The following CEP128 variants were observed in gnomAD, a reference collection of about 807,000 sequenced individuals.
The protein encoded by CEP128 is centrosomal protein 128, also known as centrosomal protein 128kDa.
CEP128 carries 132 observed loss-of-function variants against 156.7 expected under a neutral mutation model. That is an observed-to-expected ratio of 0.84 (90% CI 0.73 to 0.97). CEP128 has a LOEUF of 0.97. Among genes scored for constraint, CEP128 ranks in the 50% least tolerant of loss-of-function variants. The probability of loss-of-function intolerance (pLI) is 0.00; values close to 1 mark genes in which losing one functional copy is unlikely to be tolerated. For missense variants in CEP128, 1,252 were observed against 1,281.9 expected (o/e 0.98, Z 0.36); for synonymous variants, 469 against 448.9 (o/e 1.04, Z -0.57).
chr14:80,622,216 T>C (rs1238839669), intron 19 of CEP128, among the ~76,000 whole-genome samples: 1 of 152,182 alleles, frequency 6.6e-6, no homozygotes, highest in East Asian at 1.9e-4. Flanking sequence ...CTAAGTTTTT[T>C]ACTTTTTGAC....
At chr14:80,934,361 T>C (rs1885660280) in intron 2 of CEP128, among the ~76,000 whole-genome samples, 1 of 152,180 alleles carries the variant, frequency 6.6e-6, no homozygotes, top group Non-Finnish European at 1.5e-5. Context: ...CAACAGGAAA[T>C]GTTTTTTAAA....
At chr14:80,918,711 C>T (rs1408214440) in intron 2 of CEP128, among the ~76,000 whole-genome samples, 1 of 152,124 alleles carries the variant, frequency 6.6e-6, no homozygotes, top group African/African-American at 2.4e-5. Context: ...CCAGAGCCTA[C>T]ATGTGTGTAT....
intron 19 of CEP128, among the ~76,000 whole-genome samples, chr14:80,649,729 T>C (rs1595150062): frequency 6.6e-6 from 1 of 152,160 alleles, no homozygotes; most frequent in Non-Finnish European, 1.5e-5. Flanking sequence ...CTAGTCCTGA[T>C]GGAAAAGCAA....
intron 10 of CEP128, among the ~76,000 whole-genome samples, chr14:80,840,130 G>A (rs1163050694): frequency 1.3e-5 from 2 of 152,114 alleles, no homozygotes; most frequent in African/African-American, 4.8e-5. Context: ...ATTACTTTGA[G>A]CTCATCCTTA....
At chr14:80,626,316 T>C (rs1291900671) in intron 19 of CEP128, among the ~76,000 whole-genome samples, 2 of 144,922 alleles carry the variant, frequency 1.4e-5, no homozygotes, top group Non-Finnish European at 3.0e-5. Context: ...TACAAAAAAT[T>C]AGCCGGGCGC....
chr14:80,703,020 AT>A (rs879832343), intron 19 of CEP128, among the ~76,000 whole-genome samples: 16 of 152,154 alleles, frequency 1.1e-4, no homozygotes, highest in Non-Finnish European at 2.2e-4. Context: ...TTTATGGTAA[AT>A]TTGGAGAGAA....
intron 13 of CEP128, among the ~76,000 whole-genome samples, chr14:80,826,814 CAAG>C (rs1885507470): frequency 6.6e-6 from 1 of 151,222 alleles, no homozygotes; most frequent in African/African-American, 2.4e-5. Context: ...AATTTTTTTT[CAAG>C]AAGAGTAAGT....
At chr14:80,519,000 C>T (rs1285816932) in intron 23 of CEP128, among the ~76,000 whole-genome samples, 1 of 152,074 alleles carries the variant, frequency 6.6e-6, no homozygotes, top group Non-Finnish European at 1.5e-5. Context: ...TATAAGGTGA[C>T]CATAAAATGA....
rs971619741 is a variant in CEP128, at chr14:80,508,382, A to C, written c.3073-3362T>G. 3.3e-5 allele frequency among the ~76,000 whole-genome samples: 5 copies of C among 152,084 alleles called. 1 individual carries two copies. In the South Asian group the frequency reaches 6.2e-4, roughly 19 times the overall value. On this transcript the variant is annotated intron_variant, in intron 23 of 24. Transcript: ENST00000555265. ...ACTTATTAGCATAATTTAAGGATAC[A>C]TTTTCCCAGGTCTTACTTATAAATA...
intron 15 of CEP128, among the ~76,000 whole-genome samples, chr14:80,780,733 A>G (rs898363678): frequency 9.2e-5 from 14 of 152,206 alleles, no homozygotes; most frequent in African/African-American, 3.4e-4. Flanking sequence ...CAGATCATTG[A>G]GCAAGTTAGG....
intron 8 of CEP128, among the ~76,000 whole-genome samples, chr14:80,871,111 A>G (rs1220205554): frequency 1.3e-5 from 2 of 151,380 alleles, no homozygotes; most frequent in African/African-American, 4.9e-5. Flanking sequence ...TAGCCAGTGG[A>G]AAAAAAAATC....
At chr14:80,738,248 C>A (rs118106440) in intron 19 of CEP128, among the ~76,000 whole-genome samples, 1 of 152,092 alleles carries the variant, frequency 6.6e-6, no homozygotes, top group South Asian at 2.1e-4. Flanking sequence ...ACCTACAGTT[C>A]GAGAGTCCCT....
intron 17 of CEP128, among the ~76,000 whole-genome samples, chr14:80,757,578 A>T (rs1398326898): frequency 6.6e-6 from 1 of 152,222 alleles, no homozygotes; most frequent in Non-Finnish European, 1.5e-5. Flanking sequence ...ACTGTATTCA[A>T]AGTTGGCAAT....
In CEP128 at chr14:80,646,049, G is replaced by C. The variant is rs1403796165; in HGVS notation, c.2807-65626C>G. Among the ~76,000 whole-genome samples the C allele has an allele frequency of 5.3e-5, 8 of 152,104 alleles. No homozygotes were observed. The East Asian group carries it at 1.5e-3, about 29-fold the overall frequency. On this transcript the variant is annotated intron_variant, in intron 19 of 24. Transcript: ENST00000555265. ...ATCAGTGGTTGCCAGGAGTTAGTGG[G>C]GAAGGAGGGATAAATAGGTAGAGCT... is the stretch of plus-strand genomic sequence containing the variant.
intron 21 of CEP128, among the ~76,000 whole-genome samples, chr14:80,535,147 T>C (rs1212356700): frequency 6.6e-6 from 1 of 152,118 alleles, no homozygotes; most frequent in African/African-American, 2.4e-5. Flanking sequence ...AACACATAAT[T>C]CAAATTTGAA....
intron 21 of CEP128, among the ~76,000 whole-genome samples, chr14:80,543,979 C>T (rs1054705816): frequency 2.6e-5 from 4 of 152,028 alleles, no homozygotes; most frequent in Admixed American, 6.6e-5. Flanking sequence ...TGCAATACTC[C>T]GAAAATTAGG....
chr14:80,792,854 G>A lies in CEP128; in HGVS notation c.1466C>T (p.Ser489Phe), dbSNP rs1901785137. Reference sequence around the variant, plus strand: ...ATGCTTAAGCTTCCACTGCCTAATGGATTCTTGAGCTTTCAGTTTCAGGTC... The same window carrying A: ...ATGCTTAAGCTTCCACTGCCTAATGAATTCTTGAGCTTTCAGTTTCAGGTC... ...REDLKLKAQE[S>F]IRQWKLKHKK... The change falls in exon 14 of 25, where the codon TCC becomes TTC. Residue 489 changes from serine to phenylalanine, a missense_variant. Transcript: ENST00000555265. 3 of 1,614,110 alleles carry A rather than the reference G, an allele frequency of 1.9e-6. No individual in the cohort carries two copies. Among genetic ancestry groups the A allele is most frequent in the Admixed American group, 1.7e-5 (1 of 60,006 alleles).
chr14:80,553,324 A>T (rs1267546906), intron 21 of CEP128, among the ~76,000 whole-genome samples: 1 of 152,136 alleles, frequency 6.6e-6, no homozygotes, highest in African/African-American at 2.4e-5. Flanking sequence ...CCCACTTATG[A>T]GTGAGAACAA....
chr14:80,942,756 GC>G (rs1480185915), upstream of CEP128, among the ~76,000 whole-genome samples: 6 of 151,664 alleles, frequency 4.0e-5, no homozygotes, highest in Non-Finnish European at 8.8e-5. Flanking sequence ...TTCCTCACTT[GC>G]CCTTCTCCGT....
Sources: gnomAD v4.1 joint callset for allele counts (sites outside exome capture counted in the v4.1 genomes callset) on GRCh38, gnomAD v4.1.1 for gene constraint, MANE v1.5 for transcripts, NCBI Gene and HGNC (gene_info 2026-07-23, HGNC 2026-07-21) for gene names.